The following MYH13 variants were observed in gnomAD, a reference collection of about 807,000 sequenced individuals.
MYH13 encodes the protein myosin heavy chain 13.
Under a neutral mutation model 232.1 loss-of-function variants are expected in MYH13, and 177 were observed. The observed-to-expected ratio is 0.76, with a 90% CI of 0.67 to 0.86. MYH13 has a LOEUF of 0.86. Among genes scored for constraint, MYH13 ranks in the 40% least tolerant of loss-of-function variants. The pLI, the probability that MYH13 is intolerant of heterozygous loss-of-function variation, is 0.00. For synonymous variants in MYH13, 884 were observed against 923.5 expected, an observed-to-expected ratio of 0.96 and a Z score of 0.78; for missense variants, 2,246 against 2,405.9, an observed-to-expected ratio of 0.93 and a Z score of 1.39.
rs1464680763 is a variant in MYH13, at chr17:10,309,535, T to C, written c.4952A>G (p.Gln1651Arg). 6.2e-7 allele frequency: 1 copy of C among 1,610,078 alleles called. No homozygotes were observed. Reference protein sequence around the residue: ...AETQKHLRTVQGQLKDSQLHL... With the variant: ...AETQKHLRTVRGQLKDSQLHL... ...CACCGTGCTCACCTTGAGCTGGCCC[T>C]GGACCGTGCGCAGATGCTTCTGGGT... The change falls in exon 34 of 41, where the codon CAG becomes CGG. Residue 1651 changes from glutamine (Q) to arginine (R), a missense_variant. Physicochemically the swap from Gln to Arg is conservative, Grantham distance 43 (BLOSUM62 1). Transcript: ENST00000252172.
rs1251973607 is a variant in MYH13, at chr17:10,343,941, C to T, written c.1753G>A (p.Ala585Thr). The T allele has an allele frequency of 6.2e-7, 1 of 1,614,244 alleles. No individual in the cohort carries two copies. The change falls in exon 16 of 41, where the codon GCC becomes ACC. Residue 585 changes from alanine to threonine, a missense_variant. Ala to Thr is a moderately conservative substitution (Grantham distance 58). Coordinates refer to ENST00000252172, the MANE Select transcript of MYH13 (RefSeq NM_003802.3). The stretch of plus-strand genomic sequence containing the variant: ...GCGATGTTGTAGTCCACGGTGCCGG[C>T]ATAGTGCACCAGCGAGAAGTGAGCC... The part of the protein sequence containing the change: ...AEAHFSLVHY[A>T]GTVDYNIAGW...
intron 3 of MYH13, among the ~76,000 whole-genome samples, chr17:10,362,827 G>T (rs1382561275): frequency 6.6e-6 from 1 of 152,132 alleles, no homozygotes; most frequent in East Asian, 1.9e-4. Context: ...GCTGTGATGA[G>T]ACAAAGGTTG....
chr17:10,307,093 T>G, intron 35 of MYH13, 29 bp from the exon 36 acceptor site: 2 of 1,609,930 alleles, frequency 1.2e-6, no homozygotes, highest in Middle Eastern at 3.3e-4. Context: ...ATCAGGGGTG[T>G]GGGTTCTATT....
intron 18 of MYH13, among the ~76,000 whole-genome samples, chr17:10,336,670 G>A (rs1160292377): frequency 6.6e-6 from 1 of 152,120 alleles, no homozygotes; most frequent in Non-Finnish European, 1.5e-5. Context: ...TCCCTGTCCT[G>A]GTCACCTCAG....
Position 10,321,537 on chromosome 17 carries a change from C to T in MYH13, c.3106G>A (p.Asp1036Asn), listed in dbSNP as rs758169145. The change falls in exon 24 of 41, where the codon GAT becomes AAT. Residue 1036 changes from aspartate (D) to asparagine (N), a missense_variant. By Grantham distance (23) the Asp-to-Asn change is conservative. Transcript: ENST00000252172. ...KINAKLEQQT[D>N]DLEGSLEQEK... Reference sequence around the variant, plus strand: ...TAGTAGTAAAATATCCTCACATCATCTGTTTGCTGTTCAAGCTTGGCATTT... The same window carrying T: ...TAGTAGTAAAATATCCTCACATCATTTGTTTGCTGTTCAAGCTTGGCATTT... 6.2e-7 allele frequency: 1 copy of T among 1,611,182 alleles called. No homozygotes were observed.
chr17:10,309,731 C>T lies in MYH13; in HGVS notation c.4756G>A (p.Glu1586Lys), dbSNP rs2142220614. The part of the protein sequence containing the change: ...LDRKVIEKDE[E>K]IEQLKRNSQR... ...CTGTTTCTTTTTAGCTGCTCGATTT[C>T]TTCATCCTTCTCAATGACCTTGCGG... Residue 1586 changes from glutamate (E) to lysine (K), a missense_variant, in exon 34 of 41, where the codon GAA becomes AAA. By Grantham distance (56) the Glu-to-Lys change is moderately conservative. Transcript: ENST00000252172. 6.2e-7 allele frequency: 1 copy of T among 1,602,906 alleles called. No homozygotes were observed. Among genetic ancestry groups the T allele is most frequent in the East Asian group, 2.2e-5 (1 of 44,484 alleles).
rs1266623949 is a variant in MYH13 at position 10,309,532 on chromosome 17, C to G, written c.4955G>C (p.Gly1652Ala). The part of the protein sequence containing the change: ...ETQKHLRTVQ[G>A]QLKDSQLHLD... ...GGCCACCGTGCTCACCTTGAGCTGG[C>G]CCTGGACCGTGCGCAGATGCTTCTG... Residue 1652 changes from glycine (G) to alanine (A), a missense_variant, in exon 34 of 41, where the codon GGC becomes GCC. By Grantham distance (60) the Gly-to-Ala change is moderately conservative (BLOSUM62 0). Transcript: ENST00000252172. The G allele has an allele frequency of 2.0e-5, 32 of 1,608,810 alleles. No homozygotes were observed. The highest frequency in any genetic ancestry group is 2.5e-5 in the Non-Finnish European group (29 of 1,177,652).
intron 1 of MYH13, among the ~76,000 whole-genome samples, chr17:10,371,674 C>T (rs60712920): frequency 0.2 from 30,174 of 151,894 alleles, 3,177 homozygotes; most frequent in South Asian, 0.26. Context: ...TTAGAGAAAC[C>T]GCTTCTGACT....
intron 8 of MYH13, among the ~76,000 whole-genome samples, chr17:10,356,991 C>T (rs2071754262): frequency 6.6e-6 from 1 of 151,980 alleles, no homozygotes; most frequent in South Asian, 2.1e-4. Flanking sequence ...GACAGAGTTG[C>T]CCTCTGTTGC....
chr17:10,301,650 T>C lies in MYH13; in HGVS notation c.5721A>G (p.Leu1907=), dbSNP rs1906096919. 1.9e-6 allele frequency: 3 copies of C among 1,614,064 alleles called. No homozygotes were observed. The Admixed American group carries it at 5.0e-5, about 27-fold the overall frequency. Reference sequence around the variant, plus strand: ...TGTCCGCCCTCTCCGCGGCCTCCTCTAGCTCATGCTGGACTCTCCGGCATC... The same window carrying C: ...TGTCCGCCCTCTCCGCGGCCTCCTCCAGCTCATGCTGGACTCTCCGGCATC... The part of the protein sequence containing the change: ...LSRCRRVQHE[L]EEAAERADIA... Residue 1907 remains leucine, a synonymous_variant, in exon 40 of 41, where the codon CTA becomes CTG. Transcript: ENST00000252172.
rs1907121238 is a variant in MYH13, at chr17:10,324,396, A to G, written c.2692-132T>C. 6.9e-6 allele frequency: 7 copies of G among 1,014,890 alleles called. No individual in the cohort carries two copies. In the East Asian group the frequency reaches 7.2e-5, roughly 11 times the overall value. The allele number at this position is 1,014,890 out of a possible 1,614,324, so 62.9% of individuals were successfully genotyped here. On this transcript the variant is annotated intron_variant, in intron 22 of 40. Transcript: ENST00000252172. ...GGGTCATGCACACACATGCACGCAC[A>G]TGTGCACACACTGCACACACACGTG...
intron 37 of MYH13, 67 bp from the exon 38 acceptor site, chr17:10,303,565 G>T: frequency 1.4e-6 from 2 of 1,390,722 alleles, no homozygotes; most frequent in Non-Finnish European, 1.0e-6. Context: ...GGACTCATGG[G>T]CCAATCATTC....
chr17:10,360,212 A>G, intron 5 of MYH13, 24 bp from the exon 6 acceptor site: 1 of 1,609,818 alleles, frequency 6.2e-7, no homozygotes, highest in Non-Finnish European at 8.5e-7. Flanking sequence ...GGGAAGCAAA[A>G]CAAAACAAAT....
intron 2 of MYH13, 37 bp from the exon 3 acceptor site, chr17:10,364,579 G>T: frequency 6.6e-7 from 1 of 1,524,670 alleles, no homozygotes; most frequent in African/African-American, 1.4e-5. Context: ...TCTTGTGCTT[G>T]GGTGACTGCT....
chr17:10,328,678 G>GT (rs34649785), intron 21 of MYH13, among the ~76,000 whole-genome samples: 3,064 of 127,984 alleles, frequency 0.024, 92 homozygotes, highest in East Asian at 0.063. Flanking sequence ...TTTTCTATTC[G>GT]TTTTTTTTTT....
chr17:10,327,003 T>TG, intron 22 of MYH13, among the ~76,000 whole-genome samples: 1 of 37,310 alleles, frequency 2.7e-5, no homozygotes, highest in African/African-American at 8.4e-5. Context: ...TTTTTTTTTT[T>TG]TTTTTTTTTT....
At chr17:10,337,758 C>T (rs1254563013) in intron 18 of MYH13, among the ~76,000 whole-genome samples, 1 of 152,066 alleles carries the variant, frequency 6.6e-6, no homozygotes, top group Non-Finnish European at 1.5e-5. Flanking sequence ...ATTTACCTTC[C>T]CAAAGAAAAT....
chr17:10,353,760 C>G lies in MYH13; in HGVS notation c.1005+920G>C, dbSNP rs939092166. Among the ~76,000 whole-genome samples the G allele has an allele frequency of 7.7e-4, 117 of 152,064 alleles. 3 individuals are homozygous for G. The highest frequency in any genetic ancestry group is 7.7e-3 in the Admixed American group (117 of 15,264). ...GGTGGTGCATGCCTTGTAGTTCCAGCTACTTGGGAGGCTGAGGCAAGAGAA... is the reference window on the plus strand; with the variant it reads ...GGTGGTGCATGCCTTGTAGTTCCAGGTACTTGGGAGGCTGAGGCAAGAGAA... On this transcript the variant is annotated intron_variant, in intron 11 of 40. Coordinates refer to ENST00000252172, the MANE Select transcript of MYH13 (RefSeq NM_003802.3).
chr17:10,313,925 G>A (rs1030045890), intron 29 of MYH13, among the ~76,000 whole-genome samples: 24 of 152,182 alleles, frequency 1.6e-4, no homozygotes, highest in African/African-American at 3.9e-4. Flanking sequence ...TGTGAGCTTC[G>A]CTGTTTCCAC....
Sources: gnomAD v4.1 joint callset for allele counts (sites outside exome capture counted in the v4.1 genomes callset) on GRCh38, gnomAD v4.1.1 for gene constraint, MANE v1.5 for transcripts, NCBI Gene and HGNC (gene_info 2026-07-23, HGNC 2026-07-21) for gene names.